Variants in PELI1 observed in about 807,000 individuals in gnomAD.
PELI1 encodes E3 ubiquitin-protein ligase pellino homolog 1.
In PELI1, 15 loss-of-function variants were observed where a neutral mutation model predicts 41.3. That is an observed-to-expected ratio of 0.36 (90% confidence interval 0.24 to 0.56). PELI1 has a LOEUF of 0.56. Ranked by LOEUF, PELI1 falls within the 20% of genes least tolerant of loss-of-function variation. The pLI is 0.82. For missense variants in PELI1, 403 were observed against 525.5 expected, an observed-to-expected ratio of 0.77 and a Z score of 2.28; for synonymous variants, 178 against 180.1, an observed-to-expected ratio of 0.99 and a Z score of 0.09.
intron 1 of PELI1, among the ~76,000 whole-genome samples, chr2:64,124,028 A>G (rs2103723449): frequency 6.6e-6 from 1 of 152,362 alleles, no homozygotes; most frequent in South Asian, 2.1e-4. Flanking sequence ...AAGTGAAAGA[A>G]GTCAGTCACA....
chr2:64,102,331 C>CAT (rs201212242), intron 3 of PELI1, among the ~76,000 whole-genome samples: 86 of 151,654 alleles, frequency 5.7e-4, no homozygotes, highest in Middle Eastern at 6.8e-3. Context: ...CATATATATA[C>CAT]ATATATATAT....
At chr2:64,098,413 G>C (rs1325404664) in intron 4 of PELI1, among the ~76,000 whole-genome samples, 2 of 152,184 alleles carry the variant, frequency 1.3e-5, no homozygotes, top group Admixed American at 1.3e-4. Context: ...GTGTATACAA[G>C]CTACAACAGC....
intron 1 of PELI1, among the ~76,000 whole-genome samples, chr2:64,124,321 C>T (rs7559410): frequency 0.23 from 35,033 of 151,894 alleles, 5,227 homozygotes; most frequent in East Asian, 0.74. Flanking sequence ...CTCAATAAAG[C>T]GAAGCAAGCA....
chr2:64,110,380 A>AG (rs1357355303), intron 1 of PELI1, among the ~76,000 whole-genome samples: 1 of 152,164 alleles, frequency 6.6e-6, no homozygotes. Flanking sequence ...ATAGTGGCAT[A>AG]GTATTTTTCA....
At chr2:64,142,651 T>C (rs192884557) in intron 1 of PELI1, among the ~76,000 whole-genome samples, 360 of 152,336 alleles carry the variant, frequency 2.4e-3, no homozygotes, top group Non-Finnish European at 3.8e-3. Context: ...TTTTGAGACA[T>C]GTAAATCTTA....
intron 1 of PELI1, among the ~76,000 whole-genome samples, chr2:64,109,121 T>C (rs1333793070): frequency 1.3e-5 from 2 of 152,112 alleles, no homozygotes; most frequent in Non-Finnish European, 2.9e-5. Flanking sequence ...CCTACCTCAG[T>C]AGGTGTCAGC....
At chr2:64,096,083 T>G (rs1331593279) in intron 6 of PELI1, 42 bp downstream of exon 6, 1 of 1,344,528 alleles carries the variant, frequency 7.4e-7, no homozygotes, top group Non-Finnish European at 1.1e-6. Flanking sequence ...TCATCCTATG[T>G]GTTTATTGTA....
intron 4 of PELI1, among the ~76,000 whole-genome samples, chr2:64,097,328 AAAGGTTCTGGT>A (rs1680276199): frequency 6.6e-6 from 1 of 152,234 alleles, no homozygotes; most frequent in African/African-American, 2.4e-5. Flanking sequence ...AAGTATTTCA[AAAGGTTCTGGT>A]GAGAGCCTAA....
In PELI1 at chr2:64,096,599, C is replaced by T. The variant is rs370723713; in HGVS notation, c.315G>A (p.Ser105=). The change falls in exon 5 of 7, where the codon TCG becomes TCA. Residue 105 remains serine (S), a synonymous_variant. Coordinates refer to ENST00000358912, the MANE Select transcript of PELI1 (RefSeq NM_020651.4). ...CTACAAAATCAATGGGGCTTTCAGT[C>T]GACCGGCCAATCTGAGGGAAAAAAA... ...SNTDMFQIGR[S]TESPIDFVVT... 19 of 1,608,232 alleles carry T rather than the reference C, an allele frequency of 1.2e-5. No homozygotes were observed. Among genetic ancestry groups the T allele is most frequent in the South Asian group, 3.3e-5 (3 of 90,746 alleles).
rs953781486 is a variant in PELI1, at chr2:64,122,282, C to G, written c.-69-13903G>C. 2.0e-5 allele frequency among the ~76,000 whole-genome samples: 3 copies of G among 148,850 alleles called. No individual in the cohort carries two copies. The Admixed American group carries it at 2.0e-4, about 10-fold the overall frequency. On this transcript the variant is annotated intron_variant, in intron 1 of 6. Transcript: ENST00000358912. ...GTATTTTCCTCTACGATGTCTGAAC[C>G]TCTAGCAATTACCTCAGTTGAGCTC...
At chr2:64,137,697 A>G (rs1419126764) in intron 1 of PELI1, among the ~76,000 whole-genome samples, 1 of 152,178 alleles carries the variant, frequency 6.6e-6, no homozygotes, top group Non-Finnish European at 1.5e-5. Flanking sequence ...TTTTAGAAAT[A>G]GCCTCAAGTT....
rs577910398 is a variant in PELI1 at position 64,115,369 on chromosome 2, G to A, written c.-69-6990C>T. 3.9e-5 allele frequency among the ~76,000 whole-genome samples: 6 copies of A among 152,298 alleles called. No homozygotes were observed. In the South Asian group the frequency reaches 1.0e-3, roughly 26 times the overall value. On this transcript the variant is annotated intron_variant, in intron 1 of 6. Coordinates refer to ENST00000358912, the MANE Select transcript of PELI1 (RefSeq NM_020651.4). ...GGGAGAATTCTTTTAGGTCAACAGA[G>A]GGTGTCAATTTGAATCAACCTTGGG... is the stretch of plus-strand genomic sequence containing the variant.
intron 1 of PELI1, among the ~76,000 whole-genome samples, chr2:64,123,697 A>T (rs1576093802): frequency 6.6e-6 from 1 of 152,204 alleles, no homozygotes; most frequent in African/African-American, 2.4e-5. Flanking sequence ...GGCTAGTGGG[A>T]AAGTAAAATG....
intron 1 of PELI1, among the ~76,000 whole-genome samples, chr2:64,137,746 A>G (rs549683205): frequency 6.6e-6 from 1 of 152,296 alleles, no homozygotes; most frequent in South Asian, 2.1e-4. Context: ...TCTGTGAGTC[A>G]TATCTGATAA....
At chr2:64,105,423 T>C (rs1416547000) in intron 2 of PELI1, among the ~76,000 whole-genome samples, 1 of 152,146 alleles carries the variant, frequency 6.6e-6, no homozygotes, top group Non-Finnish European at 1.5e-5. Flanking sequence ...TGACCATTTC[T>C]CCATAACATG....
chr2:64,117,015 A>AT (rs1681018470), intron 1 of PELI1, among the ~76,000 whole-genome samples: 2 of 152,184 alleles, frequency 1.3e-5, no homozygotes, highest in Non-Finnish European at 2.9e-5. Flanking sequence ...TGTCCATATA[A>AT]GGTGGTACAC....
rs1558470342 is a variant in PELI1, at chr2:64,096,053, TG to T, written c.690+71del. On this transcript the variant is annotated intron_variant, in intron 6 of 6. Transcript: ENST00000358912. ...AGATTTAAGAGTTTTCTGGAATGTATGTAATGCATTCAGTTCTACTCATCCT... is the reference window on the plus strand; with the variant it reads ...AGATTTAAGAGTTTTCTGGAATGTATTAATGCATTCAGTTCTACTCATCCT... 3 of 1,013,552 alleles carry T rather than the reference TG, an allele frequency of 3.0e-6. No individual in the cohort carries two copies. In the African/African-American group the frequency reaches 4.8e-5, roughly 16 times the overall value. 62.8% of individuals were successfully genotyped at this position (1,013,552 alleles called of 1,614,324 possible).
rs1480879447 is a variant in PELI1 at position 64,093,960 on chromosome 2, C to T, written c.*742G>A. ...ATCCAAAGGAGCATATAAAATGTTT[C>T]TTAGCATTAAGTTTTTGTTATAGTA... On this transcript the variant is annotated 3_prime_UTR_variant, in exon 7 of 7. Coordinates refer to ENST00000358912, the MANE Select transcript of PELI1 (RefSeq NM_020651.4). The T allele has an allele frequency of 6.6e-6, 1 of 152,554 alleles. No homozygotes were observed. Among genetic ancestry groups the T allele is most frequent in the African/African-American group, 2.4e-5 (1 of 41,418 alleles). The allele number at this position is 152,554 out of a possible 1,614,324, so 9.5% of individuals were successfully genotyped here. A position where few individuals can be genotyped will look rare whatever the true frequency, so the allele number is the denominator to read the frequency against.
intron 3 of PELI1, among the ~76,000 whole-genome samples, chr2:64,104,249 TAAGTA>T (rs1313775813): frequency 2.0e-5 from 3 of 152,262 alleles, no homozygotes; most frequent in East Asian, 1.9e-4. Context: ...CAAAGAATCT[TAAGTA>T]AAGACCCTTA....
Sources: allele counts gnomAD v4.1 joint callset (sites outside exome capture counted in the v4.1 genomes callset), GRCh38; gene constraint gnomAD v4.1.1; transcripts MANE v1.5; gene names NCBI Gene and HGNC (gene_info 2026-07-23, HGNC 2026-07-21).